SLC6A15: variants seen among roughly 807,000 people sequenced by gnomAD.
SLC6A15 encodes the protein solute carrier family 6 member 15.
In SLC6A15, 33 loss-of-function variants were observed where a neutral mutation model predicts 68.5. The ratio of observed to expected loss-of-function variants is 0.48; its 90% CI spans 0.37 to 0.64. SLC6A15 has a LOEUF of 0.64. Ranked by LOEUF, SLC6A15 falls within the 30% of genes least tolerant of loss-of-function variation. The probability of loss-of-function intolerance (pLI) is 0.00; values close to 1 mark genes in which losing one functional copy is unlikely to be tolerated. For synonymous variants in SLC6A15, 347 were observed against 301.0 expected, an observed-to-expected ratio of 1.15 and a Z score of -1.58; for missense variants, 747 against 874.3, an observed-to-expected ratio of 0.85 and a Z score of 1.84.
intron 1 of SLC6A15, among the ~76,000 whole-genome samples, chr12:84,910,656 CT>C (rs142683356): frequency 0.022 from 3,372 of 152,224 alleles, 128 homozygotes; most frequent in African/African-American, 0.077. Context: ...AGAGACATCC[CT>C]ATCATATCTT....
intron 1 of SLC6A15, among the ~76,000 whole-genome samples, chr12:84,907,245 G>T (rs1220555890): frequency 4.6e-5 from 7 of 152,048 alleles, no homozygotes; most frequent in Admixed American, 1.3e-4. Flanking sequence ...CTACTTGGGA[G>T]GCTGAGGCAG....
At chr12:84,899,269 A>G (rs1872752051) in intron 1 of SLC6A15, among the ~76,000 whole-genome samples, 1 of 152,176 alleles carries the variant, frequency 6.6e-6, no homozygotes, top group South Asian at 2.1e-4. Flanking sequence ...GATAAACCTT[A>G]CTTTTTGATG....
chr12:84,881,772 G>A lies in SLC6A15; in HGVS notation c.756+2087C>T, dbSNP rs187251725. The A allele has an allele frequency of 3.4e-5, 31 of 901,902 alleles. No individual in the cohort carries two copies. The Admixed American group carries it at 1.7e-3, about 50-fold the overall frequency. 55.9% of individuals were successfully genotyped at this position (901,902 alleles called of 1,614,324 possible). A position where few individuals can be genotyped will look rare whatever the true frequency, so the allele number is the denominator to read the frequency against. ...TTTATTTGGAGGCATTTTCTGTTTA[G>A]TAGGTAAACACAAAGCTTAACCTTT... is the stretch of plus-strand genomic sequence containing the variant. On this transcript the variant is annotated intron_variant, in intron 5 of 11. Transcript: ENST00000266682.
At chr12:84,900,047 T>C (rs1372507363) in intron 1 of SLC6A15, among the ~76,000 whole-genome samples, 3 of 152,110 alleles carry the variant, frequency 2.0e-5, no homozygotes, top group Non-Finnish European at 2.9e-5. Flanking sequence ...TAAAATTGAA[T>C]TACATTGATT....
At chr12:84,892,416 A>T (rs1315379919) in intron 1 of SLC6A15, 108 bp from the exon 2 acceptor site, 3 of 214,908 alleles carry the variant, frequency 1.4e-5, no homozygotes, top group Non-Finnish European at 2.7e-5. Context: ...CAGAGTATAA[A>T]ACATGTAACT....
intron 1 of SLC6A15, among the ~76,000 whole-genome samples, chr12:84,907,252 G>A (rs1286725479): frequency 1.3e-5 from 2 of 152,016 alleles, no homozygotes; most frequent in Non-Finnish European, 2.9e-5. Context: ...GGAGGCTGAG[G>A]CAGGAGAATG....
At chr12:84,871,700 T>C (rs1285848527) in intron 8 of SLC6A15, among the ~76,000 whole-genome samples, 2 of 152,200 alleles carry the variant, frequency 1.3e-5, no homozygotes, top group African/African-American at 2.4e-5. Context: ...TGATTCTTTA[T>C]GTTAGTCTCA....
chr12:84,877,980 G>T (rs1871634324), intron 5 of SLC6A15, among the ~76,000 whole-genome samples: 1 of 152,150 alleles, frequency 6.6e-6, no homozygotes, highest in Admixed American at 6.5e-5. Context: ...AATGGAAGGA[G>T]AATTGGAACA....
chr12:84,892,454 C>T (rs1345793504), intron 1 of SLC6A15, 146 bp from the exon 2 acceptor site: 2 of 178,824 alleles, frequency 1.1e-5, no homozygotes, highest in African/African-American at 2.4e-5. Context: ...GCTTAATATT[C>T]CCGTAAGTAT....
chr12:84,860,150 T>C lies in SLC6A15; in HGVS notation c.*1482A>G, dbSNP rs989357502. 1.3e-5 allele frequency: 2 copies of C among 152,090 alleles called. No homozygotes were observed. The highest frequency in any genetic ancestry group is 1.5e-5 in the Non-Finnish European group (1 of 67,944). The allele number at this position is 152,090 out of a possible 1,614,324, so 9.4% of individuals were successfully genotyped here. A position where few individuals can be genotyped will look rare whatever the true frequency, so the allele number is the denominator to read the frequency against. ...GATACCATTTATTAACATCTATCTA[T>C]AGCAGAGCGAGAATACTGGCTGAAA... On this transcript the variant is annotated 3_prime_UTR_variant, in exon 12 of 12. Coordinates refer to ENST00000266682, the MANE Select transcript of SLC6A15 (RefSeq NM_182767.6).
At chr12:84,872,483 C>T (rs535689263) in intron 8 of SLC6A15, 119 bp downstream of exon 8, 14 of 637,674 alleles carry the variant, frequency 2.2e-5, no homozygotes, top group East Asian at 5.9e-5. Context: ...GGAGCTTCTC[C>T]GGGCATTTTA....
chr12:84,869,591 A>C (rs2120560096), intron 9 of SLC6A15, among the ~76,000 whole-genome samples: 1 of 151,444 alleles, frequency 6.6e-6, no homozygotes, highest in Non-Finnish European at 1.5e-5. Flanking sequence ...TCTGTACTCT[A>C]GTATGGTTGG....
In SLC6A15 at chr12:84,892,166, ATGG is replaced by A; in HGVS notation, c.-49_-47del. 4 of 1,433,976 alleles carry A rather than the reference ATGG, an allele frequency of 2.8e-6. No homozygotes were observed. The highest frequency in any genetic ancestry group is 3.8e-6 in the Non-Finnish European group (4 of 1,057,556). The allele number at this position is 1,433,976 out of a possible 1,614,324, so 88.8% of individuals were successfully genotyped here. A position where few individuals can be genotyped will look rare whatever the true frequency, so the allele number is the denominator to read the frequency against. The stretch of plus-strand genomic sequence containing the variant: ...TAAAAAAAAAAAAAAAAACTCCCTT[ATGG>A]CAAATGTGTTAACTCTATTTTTCAA... On this transcript the variant is annotated 5_prime_UTR_variant, in exon 2 of 12. Coordinates refer to ENST00000266682, the MANE Select transcript of SLC6A15 (RefSeq NM_182767.6).
chr12:84,863,676 T>C, intron 10 of SLC6A15, 75 bp from the exon 11 acceptor site: 1 of 1,085,920 alleles, frequency 9.2e-7, no homozygotes, highest in Non-Finnish European at 1.3e-6. Flanking sequence ...ATTATATTAA[T>C]GGTCTGACAA....
Position 84,863,415 on chromosome 12 carries a change from G to A in SLC6A15, c.1818+24C>T, listed in dbSNP as rs140835549. On this transcript the variant is annotated intron_variant, in intron 11 of 11. Transcript: ENST00000266682. ...AGCTTTTTATATATCTTTTAAAAATGTAATTCCCTTATTTTGTATTTACCT... is the reference window on the plus strand; with the variant it reads ...AGCTTTTTATATATCTTTTAAAAATATAATTCCCTTATTTTGTATTTACCT... 2,009 of 1,523,490 alleles carry A rather than the reference G, an allele frequency of 1.3e-3. 23 individuals carry two copies. In the African/African-American group the frequency reaches 0.026, roughly 20 times the overall value. 94.4% of individuals were successfully genotyped at this position (1,523,490 alleles called of 1,614,324 possible).
intron 8 of SLC6A15, among the ~76,000 whole-genome samples, chr12:84,871,071 C>T (rs1258169574): frequency 6.6e-6 from 1 of 151,362 alleles, no homozygotes; most frequent in Non-Finnish European, 1.5e-5. Flanking sequence ...ATTTCTGGCT[C>T]ATATATAAAG....
intron 7 of SLC6A15, 47 bp downstream of exon 7, chr12:84,873,040 C>T (rs762626642): frequency 7.6e-6 from 12 of 1,579,730 alleles, no homozygotes; most frequent in Non-Finnish European, 9.5e-6. Context: ...GTATAAATAA[C>T]AAGATAAAAA....
chr12:84,864,505 A>G (rs1870988206), intron 10 of SLC6A15, among the ~76,000 whole-genome samples: 1 of 151,734 alleles, frequency 6.6e-6, no homozygotes. Context: ...TTTTTAGTAG[A>G]GATGGCGTTT....
At chr12:84,898,046 T>C (rs983784189) in intron 1 of SLC6A15, among the ~76,000 whole-genome samples, 1 of 152,124 alleles carries the variant, frequency 6.6e-6, no homozygotes, top group African/African-American at 2.4e-5. Flanking sequence ...ATAGATACTG[T>C]GTAAATATGA....
Sources: allele counts gnomAD v4.1 joint callset (sites outside exome capture counted in the v4.1 genomes callset), GRCh38; gene constraint gnomAD v4.1.1; transcripts MANE v1.5; gene names NCBI Gene and HGNC (gene_info 2026-07-23, HGNC 2026-07-21).